The following TOX2 variants were observed in gnomAD, a reference collection of about 807,000 sequenced individuals.
TOX2 encodes TOX high mobility group box family member 2, also known as granulosa cell HMG box 1.
In TOX2, 15 loss-of-function variants were observed where a neutral mutation model predicts 47.4. The observed-to-expected ratio is 0.32, with a 90% CI of 0.21 to 0.49. The LOEUF (loss-of-function observed/expected upper bound fraction) is 0.49, where lower values mean the gene tolerates loss of function less well. Ranked by LOEUF, TOX2 falls within the 20% of genes least tolerant of loss-of-function variation. The pLI is 0.99. For synonymous variants in TOX2, 290 were observed against 296.6 expected (o/e 0.98, Z 0.23); for missense variants, 622 against 673.1 (o/e 0.92, Z 0.84).
At chr20:43,952,800 G>A (rs6017226) in intron 1 of TOX2, among the ~76,000 whole-genome samples, 120,036 of 152,076 alleles carry the variant, frequency 0.79, 48,420 homozygotes, top group South Asian at 0.93. Context: ...ACAGTTAGTC[G>A]GTACTTACGG....
intron 3 of TOX2, among the ~76,000 whole-genome samples, chr20:44,010,524 A>G (rs2070761087): frequency 6.6e-6 from 1 of 152,218 alleles, no homozygotes; most frequent in African/African-American, 2.4e-5. Context: ...GGAGATGTAC[A>G]TGCATTGGGA....
intron 1 of TOX2, among the ~76,000 whole-genome samples, chr20:43,921,048 G>C (rs1377428183): frequency 5.3e-5 from 8 of 152,344 alleles, no homozygotes; most frequent in Non-Finnish European, 1.2e-4. Context: ...CATCTGTTTG[G>C]CTGTTGTCAT....
chr20:43,931,366 C>G (rs2069250476), intron 1 of TOX2, among the ~76,000 whole-genome samples: 1 of 152,214 alleles, frequency 6.6e-6, no homozygotes, highest in Non-Finnish European at 1.5e-5. Context: ...AACTCCTGGG[C>G]TCAAGCGATC....
chr20:43,989,099 G>A (rs2070322994), intron 2 of TOX2, among the ~76,000 whole-genome samples: 2 of 152,116 alleles, frequency 1.3e-5, no homozygotes, highest in Admixed American at 6.5e-5. Flanking sequence ...GAGCTTGTTA[G>A]GCATGCAGCA....
chr20:43,951,705 A>ACGTTTTTTTTTTTTTTTTTTT, intron 1 of TOX2, among the ~76,000 whole-genome samples: 1 of 30,392 alleles, frequency 3.3e-5, no homozygotes, highest in Non-Finnish European at 6.8e-5. Context: ...TAAACTTATT[A>ACGTTTTTTTTTTTTTTTTTTT]TGTTTTTTTT....
intron 3 of TOX2, among the ~76,000 whole-genome samples, chr20:44,049,856 T>C (rs920468788): frequency 9.9e-5 from 15 of 152,240 alleles, no homozygotes; most frequent in Admixed American, 9.2e-4. Flanking sequence ...TACTTCATGA[T>C]AGGTATGTAC....
intron 2 of TOX2, among the ~76,000 whole-genome samples, chr20:44,003,847 A>G (rs189995894): frequency 4.6e-5 from 7 of 152,240 alleles, no homozygotes; most frequent in East Asian, 3.9e-4. Flanking sequence ...AGGCCATACA[A>G]GGACTTCCAG....
chr20:44,039,096 G>C (rs2071289893), intron 3 of TOX2: 1 of 1,274,660 alleles, frequency 7.8e-7, no homozygotes, highest in Non-Finnish European at 1.0e-6. Context: ...CTGGTGCTGG[G>C]AGGCAGGTGT....
chr20:43,998,715 T>C (rs1312710187), intron 2 of TOX2, among the ~76,000 whole-genome samples: 1 of 143,712 alleles, frequency 7.0e-6, no homozygotes, highest in African/African-American at 2.6e-5. Flanking sequence ...TTTGTTGGCC[T>C]GATACATCTA....
In TOX2 at chr20:43,936,904, T is replaced by A. The variant is rs994054398; in HGVS notation, c.99+21914T>A. Among the ~76,000 whole-genome samples, 4 of 152,192 alleles carry A rather than the reference T, an allele frequency of 2.6e-5. No individual in the cohort carries two copies. The East Asian group carries it at 7.7e-4, about 29-fold the overall frequency. ...TTAGGATTAGTGGTCATCTTTGTAA[T>A]CTACACAGCTGCCCCCACTCTTCAG... On this transcript the variant is annotated intron_variant, in intron 1 of 8. Coordinates refer to ENST00000341197, the MANE Select transcript of TOX2 (RefSeq NM_001098797.2).
At chr20:44,020,406 T>C (rs1261845653) in intron 3 of TOX2, among the ~76,000 whole-genome samples, 2 of 152,194 alleles carry the variant, frequency 1.3e-5, no homozygotes, top group Admixed American at 6.5e-5. Context: ...CCATGGCACA[T>C]GTATACCTAT....
At position 44,054,272 on chromosome 20, in the gene TOX2, G is replaced by T; in HGVS notation, c.652-27G>T. Reference sequence around the variant, plus strand: ...GGCAGGAGGCCCTTGGGCTTCTTTGGTTTTCTGACTCTTCTCACTCGGGCA... The same window carrying T: ...GGCAGGAGGCCCTTGGGCTTCTTTGTTTTTCTGACTCTTCTCACTCGGGCA... On this transcript the variant is annotated intron_variant, in intron 4 of 8. Coordinates refer to ENST00000341197, the MANE Select transcript of TOX2 (RefSeq NM_001098797.2). 2.5e-6 allele frequency: 4 copies of T among 1,581,192 alleles called. No homozygotes were observed. The South Asian group carries it at 4.6e-5, about 18-fold the overall frequency.
At chr20:43,951,705 A>ATTTTTTTTTTTTTT (rs1212223106) in intron 1 of TOX2, among the ~76,000 whole-genome samples, 1 of 30,388 alleles carries the variant, frequency 3.3e-5, no homozygotes, top group African/African-American at 1.3e-4. Context: ...TAAACTTATT[A>ATTTTTTTTTTTTTT]TGTTTTTTTT....
chr20:44,066,699 G>A (rs1315042857), intron 7 of TOX2, 31 bp from the exon 8 acceptor site: 2 of 1,613,842 alleles, frequency 1.2e-6, no homozygotes. Flanking sequence ...ATCTCTCCTT[G>A]GCTCATGGCC....
intron 3 of TOX2, among the ~76,000 whole-genome samples, chr20:44,018,011 T>G (rs1412298780): frequency 6.6e-6 from 1 of 152,186 alleles, no homozygotes; most frequent in African/African-American, 2.4e-5. Context: ...CAACATGAAG[T>G]GTGAGGCACT....
intron 3 of TOX2, among the ~76,000 whole-genome samples, chr20:44,010,224 CTG>C (rs1243012682): frequency 6.6e-6 from 1 of 152,176 alleles, no homozygotes; most frequent in Non-Finnish European, 1.5e-5. Flanking sequence ...TATAATAGCT[CTG>C]ATAATTACAA....
chr20:43,946,827 G>A lies in TOX2; in HGVS notation c.100-26540G>A, dbSNP rs372421779. ...GATGGGAGTTGACTGGGTTGGGGGC[G>A]GGGCTTGTTGCTGTTGATGGTGCTG... On this transcript the variant is annotated intron_variant, in intron 1 of 8. Coordinates refer to ENST00000341197, the MANE Select transcript of TOX2 (RefSeq NM_001098797.2). Among the ~76,000 whole-genome samples, 18 of 152,286 alleles carry A rather than the reference G, an allele frequency of 1.2e-4. 1 individual carries two copies. The highest frequency in any genetic ancestry group is 3.9e-4 in the Admixed American group (6 of 15,306).
rs144868923 is a variant in TOX2, at chr20:44,051,428, G to A, written c.534G>A (p.Ser178=). 2.7e-4 allele frequency: 437 copies of A among 1,614,026 alleles called. No homozygotes were observed. The highest frequency in any genetic ancestry group is 3.6e-4 in the Non-Finnish European group (421 of 1,179,984). ...MSALSQSQLI[S]QMGIRSSIAH... ...CCCTCAGCCAGTCCCAGCTCATCTCGCAGATGGGCATCCGGAGCAGCATCG... is the reference window on the plus strand; with the variant it reads ...CCCTCAGCCAGTCCCAGCTCATCTCACAGATGGGCATCCGGAGCAGCATCG... The change falls in exon 4 of 9, where the codon TCG becomes TCA. Residue 178 remains serine (S), a synonymous_variant. Coordinates refer to ENST00000341197, the MANE Select transcript of TOX2 (RefSeq NM_001098797.2).
intron 1 of TOX2, among the ~76,000 whole-genome samples, chr20:43,941,753 G>A (rs895275550): frequency 6.6e-6 from 1 of 152,188 alleles, no homozygotes; most frequent in African/African-American, 2.4e-5. Context: ...CACAGGAAGA[G>A]CTCAGCTCTC....
Sources: allele counts gnomAD v4.1 joint callset (sites outside exome capture counted in the v4.1 genomes callset), GRCh38; gene constraint gnomAD v4.1.1; transcripts MANE v1.5; gene names NCBI Gene and HGNC (gene_info 2026-07-23, HGNC 2026-07-21).